The following SND1 variants were observed in gnomAD, a reference collection of about 807,000 sequenced individuals.
The protein encoded by SND1 is staphylococcal nuclease and tudor domain containing 1.
Under a neutral mutation model 121.7 loss-of-function variants are expected in SND1, and 38 were observed. The ratio of observed to expected loss-of-function variants is 0.31; its 90% confidence interval spans 0.24 to 0.41. The LOEUF is 0.41. Ranked by LOEUF, SND1 falls within the 10% of genes least tolerant of loss-of-function variation. The pLI is 1.00. For missense variants in SND1, 868 were observed against 1,184.6 expected, an observed-to-expected ratio of 0.73 and a Z score of 3.92; for synonymous variants, 401 against 447.4, an observed-to-expected ratio of 0.90 and a Z score of 1.31.
At chr7:128,002,300 G>A (rs34289568) in intron 16 of SND1, among the ~76,000 whole-genome samples, 2,216 of 152,248 alleles carry the variant, frequency 0.015, 25 homozygotes, top group Non-Finnish European at 0.02. Flanking sequence ...TTCCATCCTT[G>A]GTCTAAGTTT....
chr7:127,914,703 C>T (rs914309420), intron 14 of SND1, among the ~76,000 whole-genome samples: 9 of 152,108 alleles, frequency 5.9e-5, no homozygotes, highest in East Asian at 1.9e-4. Context: ...TAACTATAAG[C>T]GGGCTGGTTA....
chr7:127,901,638 A>T (rs1211108993), intron 13 of SND1, among the ~76,000 whole-genome samples: 1 of 152,070 alleles, frequency 6.6e-6, no homozygotes, highest in Non-Finnish European at 1.5e-5. Context: ...GGCATATTTG[A>T]ATTTAGTGGT....
chr7:127,713,640 A>G (rs1796334131), intron 9 of SND1, among the ~76,000 whole-genome samples: 1 of 152,232 alleles, frequency 6.6e-6, no homozygotes, highest in African/African-American at 2.4e-5. Flanking sequence ...TATGGCCTCT[A>G]ACTGGATGCC....
chr7:128,036,943 T>C (rs1584754988), intron 16 of SND1, among the ~76,000 whole-genome samples: 1 of 152,222 alleles, frequency 6.6e-6, no homozygotes, highest in East Asian at 1.9e-4. Flanking sequence ...GCAGCGTTGA[T>C]AGGTACTTGG....
At chr7:128,012,580 G>A (rs544533299) in intron 16 of SND1, among the ~76,000 whole-genome samples, 9 of 152,282 alleles carry the variant, frequency 5.9e-5, no homozygotes, top group East Asian at 3.9e-4. Context: ...CTCTGCATCC[G>A]TATGTGTATG....
At chr7:128,057,213 CTG>C (rs954449602) in intron 16 of SND1, among the ~76,000 whole-genome samples, 13 of 152,322 alleles carry the variant, frequency 8.5e-5, no homozygotes, top group African/African-American at 2.6e-4. Context: ...TTTATATACT[CTG>C]TGGTGCACAA....
At chr7:127,926,549 CTTTTTT>C (rs71160605) in intron 14 of SND1, among the ~76,000 whole-genome samples, 161 of 90,540 alleles carry the variant, frequency 1.8e-3, no homozygotes, top group Non-Finnish European at 2.2e-3. Flanking sequence ...TTTTCTTTTT[CTTTTTT>C]TTTTTTTTTT....
At chr7:127,760,364 G>T (rs763829315) in intron 10 of SND1, among the ~76,000 whole-genome samples, 3 of 152,150 alleles carry the variant, frequency 2.0e-5, no homozygotes, top group Non-Finnish European at 2.9e-5. Context: ...AATGCATAAA[G>T]TGGGCACCAT....
At chr7:127,653,857 CTGAA>C (rs1194582767) in intron 1 of SND1, among the ~76,000 whole-genome samples, 11 of 152,294 alleles carry the variant, frequency 7.2e-5, no homozygotes, top group Non-Finnish European at 1.0e-4. Flanking sequence ...TGATCTGAAA[CTGAA>C]TGAGAAGAGA....
At chr7:127,658,731 C>T (rs561753117) in intron 1 of SND1, among the ~76,000 whole-genome samples, 14 of 152,296 alleles carry the variant, frequency 9.2e-5, no homozygotes, top group Admixed American at 8.5e-4. Context: ...ACTTCTGAGG[C>T]CAGTGACTAG....
At chr7:127,983,447 A>G (rs1377115574) in intron 15 of SND1, among the ~76,000 whole-genome samples, 2 of 152,090 alleles carry the variant, frequency 1.3e-5, no homozygotes, top group East Asian at 3.9e-4. Context: ...CTGGGGTCTT[A>G]AAGACTAGAA....
At chr7:127,686,922 G>C in intron 2 of SND1, 160 bp downstream of exon 2, 1 of 758,408 alleles carries the variant, frequency 1.3e-6, no homozygotes, top group Admixed American at 3.2e-5. Flanking sequence ...GCTTGTATCT[G>C]TTGTTTATAT....
chr7:127,652,364 A>ATC lies in SND1; in HGVS notation c.-7_-6dup. On this transcript the variant is annotated 5_prime_UTR_variant, in exon 1 of 24. Coordinates refer to ENST00000354725, the MANE Select transcript of SND1 (RefSeq NM_014390.4). ...CAGCCGCTCCACTCGTTGCCTTTGC[A>ATC]TCTCCACACATGGCGTCCTCCGCGC... The ATC allele has an allele frequency of 3.2e-6, 5 of 1,572,642 alleles. No individual in the cohort carries two copies. Among genetic ancestry groups the ATC allele is most frequent in the Non-Finnish European group, 4.3e-6 (5 of 1,153,708 alleles).
intron 1 of SND1, among the ~76,000 whole-genome samples, chr7:127,663,252 A>G (rs545430395): frequency 6.6e-6 from 1 of 151,982 alleles, no homozygotes; most frequent in Non-Finnish European, 1.5e-5. Flanking sequence ...TGCTATGTAG[A>G]TAGTTGCTAT....
In SND1 at chr7:128,072,567, G is replaced by T. The variant is rs1793431041; in HGVS notation, c.1780-1935G>T. On this transcript the variant is annotated intron_variant, in intron 16 of 23. Transcript: ENST00000354725. Reference sequence around the variant, plus strand: ...TCCTCTAGGACCTGCTGCTTCTTGAGCTTAGCATGTTTGATAAAGCTTGGC... The same window carrying T: ...TCCTCTAGGACCTGCTGCTTCTTGATCTTAGCATGTTTGATAAAGCTTGGC... Among the ~76,000 whole-genome samples, 3 of 152,182 alleles carry T rather than the reference G, an allele frequency of 2.0e-5. No individual in the cohort carries two copies. In the South Asian group the frequency reaches 6.2e-4, roughly 32 times the overall value.
intron 1 of SND1, among the ~76,000 whole-genome samples, chr7:127,665,335 C>T (rs1409674906): frequency 3.9e-5 from 6 of 152,042 alleles, no homozygotes; most frequent in East Asian, 1.9e-4. Context: ...TACAGGCGCC[C>T]GCCACCACGC....
intron 11 of SND1, among the ~76,000 whole-genome samples, chr7:127,816,539 G>A (rs1798444529): frequency 6.6e-6 from 1 of 151,906 alleles, no homozygotes; most frequent in Non-Finnish European, 1.5e-5. Flanking sequence ...CTCAATAGTT[G>A]GTGTGCTTAT....
chr7:127,805,220 A>G (rs1798212589), intron 10 of SND1, among the ~76,000 whole-genome samples: 4 of 152,158 alleles, frequency 2.6e-5, no homozygotes, highest in Admixed American at 1.3e-4. Context: ...TTTATTTTCT[A>G]TAAGAAAACC....
rs187152006 is a variant in SND1 at position 128,040,142 on chromosome 7, T to C, written c.1780-34360T>C. 4.0e-3 allele frequency among the ~76,000 whole-genome samples: 574 copies of C among 143,848 alleles called. 5 individuals carry two copies. The highest frequency in any genetic ancestry group is 0.013 in the African/African-American group (535 of 40,320). The allele number at this position is 143,848 out of a possible 152,430, so 94.4% of individuals were successfully genotyped here. A position where few individuals can be genotyped will look rare whatever the true frequency, so the allele number is the denominator to read the frequency against. On this transcript the variant is annotated intron_variant, in intron 16 of 23. Coordinates refer to ENST00000354725, the MANE Select transcript of SND1 (RefSeq NM_014390.4). ...ACAGCAAACAGCTGTGTATTGAGTC[T>C]GCCTGGGAGCCCAGGCTACCTGGGT...
Sources: allele counts gnomAD v4.1 joint callset (sites outside exome capture counted in the v4.1 genomes callset), GRCh38; gene constraint gnomAD v4.1.1; transcripts MANE v1.5; gene names NCBI Gene and HGNC (gene_info 2026-07-23, HGNC 2026-07-21).